NDEL1: variants seen among roughly 807,000 people sequenced by gnomAD.
NDEL1 encodes nudE neurodevelopment protein 1 like 1.
NDEL1 carries 9 observed loss-of-function variants against 45.7 expected under a neutral mutation model. The observed-to-expected ratio is 0.20, with a 90% CI of 0.12 to 0.34. The LOEUF (loss-of-function observed/expected upper bound fraction) is 0.34, where lower values mean the gene tolerates loss of function less well. Among genes scored for constraint, NDEL1 ranks in the 10% least tolerant of loss-of-function variants. The pLI, the probability that NDEL1 is intolerant of heterozygous loss-of-function variation, is 1.00. For missense variants in NDEL1, 306 were observed against 406.2 expected (o/e 0.75, Z 2.12); for synonymous variants, 133 against 158.6 (o/e 0.84, Z 1.21).
intron 6 of NDEL1, among the ~76,000 whole-genome samples, chr17:8,453,511 A>G (rs1445006711): frequency 6.6e-6 from 1 of 152,214 alleles, no homozygotes; most frequent in Non-Finnish European, 1.5e-5. Context: ...TGAATACAGT[A>G]GTTCAGCTCA....
At chr17:8,423,760 A>G (rs1407149667) in intron 1 of NDEL1, among the ~76,000 whole-genome samples, 1 of 152,220 alleles carries the variant, frequency 6.6e-6, no homozygotes, top group African/African-American at 2.4e-5. Context: ...TGGACTAATT[A>G]GGGAGTCATA....
intron 7 of NDEL1, among the ~76,000 whole-genome samples, chr17:8,455,116 G>C (rs902930537): frequency 6.6e-6 from 1 of 152,160 alleles, no homozygotes; most frequent in East Asian, 1.9e-4. Context: ...CATTCTTCCT[G>C]TTCCCCACTC....
chr17:8,440,972 C>G (rs1246772595), intron 1 of NDEL1, among the ~76,000 whole-genome samples: 1 of 152,212 alleles, frequency 6.6e-6, no homozygotes, highest in East Asian at 1.9e-4. Context: ...ATTGGCCCCA[C>G]ATTCAAACAC....
intron 1 of NDEL1, among the ~76,000 whole-genome samples, chr17:8,437,955 A>G (rs2151706397): frequency 6.6e-6 from 1 of 151,964 alleles, no homozygotes; most frequent in South Asian, 2.1e-4. Flanking sequence ...GGGCGGGCAG[A>G]GAATAATAAT....
intron 1 of NDEL1, among the ~76,000 whole-genome samples, chr17:8,417,406 T>C (rs983834609): frequency 1.3e-5 from 2 of 152,234 alleles, no homozygotes; most frequent in African/African-American, 4.8e-5. Context: ...ATGGATTATA[T>C]TGAAGCCCTT....
chr17:8,471,557 A>G (rs767870806), downstream of NDEL1, among the ~76,000 whole-genome samples: 2 of 152,168 alleles, frequency 1.3e-5, no homozygotes, highest in Non-Finnish European at 2.9e-5. Flanking sequence ...TTACCTCTCG[A>G]ATAAGGCTTT....
intron 1 of NDEL1, among the ~76,000 whole-genome samples, chr17:8,442,320 T>G (rs1909790430): frequency 1.3e-5 from 2 of 152,240 alleles, no homozygotes; most frequent in African/African-American, 4.8e-5. Context: ...ATCTTTTTGC[T>G]TACTCCATTC....
intron 5 of NDEL1, among the ~76,000 whole-genome samples, chr17:8,450,178 A>C (rs1156288788): frequency 3.3e-5 from 5 of 151,912 alleles, no homozygotes; most frequent in Non-Finnish European, 7.4e-5. Context: ...AATCCCAGCT[A>C]CTTGGGAGGC....
chr17:8,440,250 G>C (rs1043864552), intron 1 of NDEL1, among the ~76,000 whole-genome samples: 5 of 152,174 alleles, frequency 3.3e-5, no homozygotes, highest in African/African-American at 1.2e-4. Context: ...AGGCGCGGTG[G>C]CTCATGCCTG....
At chr17:8,435,843 C>T (rs762291608), upstream of NDEL1, 12 of 446,584 alleles carry the variant, frequency 2.7e-5, no homozygotes, top group South Asian at 1.6e-4. Context: ...TGCTCCGAGC[C>T]CCGCCCCCGT....
intron 1 of NDEL1, among the ~76,000 whole-genome samples, chr17:8,422,669 C>A (rs977985232): frequency 6.6e-6 from 1 of 152,158 alleles, no homozygotes; most frequent in Non-Finnish European, 1.5e-5. Flanking sequence ...GAAGTCCCGT[C>A]GCCTAATTTT....
chr17:8,450,867 A>G lies in NDEL1; in HGVS notation c.614A>G (p.Lys205Arg). Residue 205 changes from lysine to arginine, a missense_variant, in exon 6 of 9, where the codon AAG becomes AGG. Physicochemically the swap from Lys to Arg is conservative, Grantham distance 26. This residue lies in a region of NDEL1 where 175 missense variants were observed against 205.2 expected (regional missense o/e 0.85). Transcript: ENST00000334527. ...AGCTCTCCAACTCTAGACTGTGAAA[A>G]GATGGACTCCGCCGTCCAAGCATCA... ...APSSPTLDCE[K>R]MDSAVQASLS... 6.2e-7 allele frequency: 1 copy of G among 1,613,738 alleles called. No homozygotes were observed. Among genetic ancestry groups the G allele is most frequent in the Non-Finnish European group, 8.5e-7 (1 of 1,179,882 alleles).
At chr17:8,460,304 A>C in intron 8 of NDEL1, 144 bp downstream of exon 8, 1 of 902,960 alleles carries the variant, frequency 1.1e-6, no homozygotes, top group Non-Finnish European at 1.6e-6. Flanking sequence ...AGGTGACATG[A>C]CGTCTGTTGT....
intron 1 of NDEL1, among the ~76,000 whole-genome samples, chr17:8,415,400 CT>C (rs1011892722): frequency 1.8e-3 from 271 of 148,558 alleles, no homozygotes; most frequent in African/African-American, 5.9e-3. Context: ...TATATGTATA[CT>C]TTTTTTTGCC....
intron 1 of NDEL1, among the ~76,000 whole-genome samples, chr17:8,420,280 G>A (rs1908670228): frequency 6.6e-6 from 1 of 152,158 alleles, no homozygotes; most frequent in Non-Finnish European, 1.5e-5. Context: ...ACTTACGAGA[G>A]TTAAGTTCTC....
intron 7 of NDEL1, among the ~76,000 whole-genome samples, chr17:8,459,558 G>A (rs1299877447): frequency 6.6e-6 from 1 of 152,166 alleles, no homozygotes; most frequent in African/African-American, 2.4e-5. Context: ...TAGAAAAAAT[G>A]AAGAACCTAG....
intron 7 of NDEL1, 75 bp from the exon 8 acceptor site, chr17:8,459,934 A>G: frequency 6.8e-7 from 1 of 1,460,948 alleles, no homozygotes; most frequent in East Asian, 2.3e-5. Flanking sequence ...CTTGAAATAG[A>G]AATGGTTTGA....
At chr17:8,424,290 T>G (rs1908770667) in intron 1 of NDEL1, among the ~76,000 whole-genome samples, 1 of 152,250 alleles carries the variant, frequency 6.6e-6, no homozygotes, top group South Asian at 2.1e-4. Context: ...TGTTACCATT[T>G]GGTTACTATT....
At chr17:8,432,314 T>TAA, upstream of NDEL1, 1 of 125,338 alleles carries the variant, frequency 8.0e-6, no homozygotes, top group Non-Finnish European at 1.6e-5. Flanking sequence ...GATATATATA[T>TAA]ATATTTATAT....
Sources: gnomAD v4.1 joint callset for allele counts (sites outside exome capture counted in the v4.1 genomes callset) on GRCh38, gnomAD v4.1.1 for gene constraint, gnomAD v4.1.1 regional missense constraint, MANE v1.5 for transcripts, NCBI Gene and HGNC (gene_info 2026-07-23, HGNC 2026-07-21) for gene names.